Variants in IFT70A observed in about 807,000 individuals in gnomAD.
The protein encoded by IFT70A is intraflagellar transport 70A, also known as intraflagellar transport protein 70A.
the IFT70A span, chr2:177,616,781 C>T: frequency 1.3e-6 from 2 of 1,589,476 alleles, no homozygotes; most frequent in African/African-American, 1.4e-5. Context: ...TTCTTCCCAA[C>T]ATGCATTCTT....
At chr2:177,613,622 T>C in the IFT70A span, 1 of 152,186 alleles carries the variant, frequency 6.6e-6, no homozygotes, top group South Asian at 2.1e-4. Context: ...TGTGGACACA[T>C]GTTTTATAGC....
At chr2:177,618,339 G>A in the IFT70A span, 8 of 1,613,704 alleles carry the variant, frequency 5.0e-6, no homozygotes, top group South Asian at 1.1e-5. Context: ...TATACTTGAT[G>A]GCAGCTTGCA....
chr2:177,614,740 G>A, the IFT70A span: 1 of 152,104 alleles, frequency 6.6e-6, no homozygotes, highest in East Asian at 1.9e-4. Context: ...GATAAAAAAG[G>A]GAAAGAGAAC....
At chr2:177,613,617 A>C in the IFT70A span, 2 of 152,196 alleles carry the variant, frequency 1.3e-5, no homozygotes, top group African/African-American at 4.8e-5. Context: ...TACTCTGTGG[A>C]CACATGTTTT....
At chr2:177,615,351 G>T in the IFT70A span, 1 of 152,064 alleles carries the variant, frequency 6.6e-6, no homozygotes, top group Non-Finnish European at 1.5e-5. Context: ...TCCTCTTCCC[G>T]AACAAAAACA....
chr2:177,616,513 T>A, the IFT70A span: 1 of 427,818 alleles, frequency 2.3e-6, no homozygotes, highest in Non-Finnish European at 4.0e-6. Context: ...AAAGCAGAAG[T>A]GATGCAGCTT....
chr2:177,615,332 A>G, the IFT70A span: 1 of 152,224 alleles, frequency 6.6e-6, no homozygotes, highest in East Asian at 1.9e-4. Flanking sequence ...GAAGGATTAA[A>G]AGCAAATCTC....
chr2:177,613,469 C>T, the IFT70A span: 3 of 152,028 alleles, frequency 2.0e-5, no homozygotes, highest in Non-Finnish European at 4.4e-5. Context: ...CACAAAAGTA[C>T]ATATTCTCCT....
the IFT70A span, chr2:177,618,320 C>T: frequency 1.9e-6 from 3 of 1,613,864 alleles, no homozygotes; most frequent in Non-Finnish European, 1.7e-6. Context: ...CCTGGCAGAT[C>T]GCCCTCGCTA....
the IFT70A span, chr2:177,618,250 T>A: frequency 6.2e-7 from 1 of 1,614,236 alleles, no homozygotes; most frequent in Non-Finnish European, 8.5e-7. Context: ...GGTCTCATTG[T>A]CGCCTCCACT....
the IFT70A span, chr2:177,617,058 C>A: frequency 4.3e-6 from 7 of 1,613,078 alleles, no homozygotes; most frequent in East Asian, 1.6e-4. Flanking sequence ...TTCCTATCAC[C>A]AAATTCACAA....
the IFT70A span, chr2:177,616,505 A>G: frequency 9.6e-6 from 4 of 417,612 alleles, no homozygotes; most frequent in East Asian, 1.1e-4. Flanking sequence ...GTAGGAAGAA[A>G]GCAGAAGTGA....
chr2:177,618,196 T>C, the IFT70A span: 2 of 1,614,246 alleles, frequency 1.2e-6, no homozygotes, highest in East Asian at 2.2e-5. Context: ...AGCTTCATAC[T>C]GTCCCTCCTT....
At chr2:177,616,389 T>A in the IFT70A span, 1 of 206,296 alleles carries the variant, frequency 4.8e-6, no homozygotes, top group East Asian at 1.2e-4. Flanking sequence ...CATACCCTTT[T>A]GACAGCCCAA....
chr2:177,617,070 G>A, the IFT70A span: 1 of 1,613,474 alleles, frequency 6.2e-7, no homozygotes, highest in Non-Finnish European at 8.5e-7. Flanking sequence ...AATTCACAAT[G>A]CAGAGATGGT....
the IFT70A span, chr2:177,618,596 G>A: frequency 1.9e-6 from 3 of 1,605,152 alleles, no homozygotes; most frequent in Non-Finnish European, 2.6e-6. Context: ...TGCAGTTCTC[G>A]GCCCAGCAGC....
At chr2:177,616,547 T>A in the IFT70A span, 2 of 626,362 alleles carry the variant, frequency 3.2e-6, no homozygotes, top group Non-Finnish European at 5.1e-6. Context: ...CCTACCCTTC[T>A]GGATTAAATG....
chr2:177,614,364 T>A, the IFT70A span: 1 of 152,136 alleles, frequency 6.6e-6, no homozygotes, highest in Non-Finnish European at 1.5e-5. Context: ...ATACTGCATG[T>A]CTTTAAAATT....
At chr2:177,613,468 ACATATTCTCCTTTC>A in the IFT70A span, 74 of 152,348 alleles carry the variant, frequency 4.9e-4, 2 homozygotes, top group East Asian at 0.013. Context: ...TCACAAAAGT[ACATATTCTCCTTTC>A]CATATACACT....
Sources: allele counts gnomAD v4.1 joint callset, GRCh38; gene constraint gnomAD v4.1.1; transcripts MANE v1.5; gene names NCBI Gene and HGNC (gene_info 2026-07-23, HGNC 2026-07-21).